Variants in PRDM10 observed in about 807,000 individuals in gnomAD.
PRDM10 encodes the protein PR/SET domain 10.
PRDM10 carries 65 observed loss-of-function variants against 133.1 expected under a neutral mutation model. The observed-to-expected ratio is 0.49, with a 90% confidence interval of 0.40 to 0.60. The LOEUF (loss-of-function observed/expected upper bound fraction) is 0.60, where lower values mean the gene tolerates loss of function less well. Ranked by LOEUF, PRDM10 falls within the 20% of genes least tolerant of loss-of-function variation. PRDM10 has a pLI of 0.00. For missense variants in PRDM10, 1,137 were observed against 1,507.1 expected (o/e 0.75, Z 4.07); for synonymous variants, 582 against 580.4 (o/e 1.00, Z -0.04).
chr11:129,904,253 G>C (rs1441919545), intron 20 of PRDM10, among the ~76,000 whole-genome samples: 1 of 150,888 alleles, frequency 6.6e-6, no homozygotes, highest in Non-Finnish European at 1.5e-5. Context: ...ATCTTCCCTT[G>C]GTAATATCTC....
rs79404802 is a variant in PRDM10 at position 129,905,647 on chromosome 11, C to T, written c.3258G>A (p.Ala1086=). The T allele has an allele frequency of 6.6e-3, 10,622 of 1,613,886 alleles. 623 individuals carry two copies. In the African/African-American group the frequency reaches 0.12, roughly 18 times the overall value. Reference sequence around the variant, plus strand: ...GAGTAGCGTAGCTTACCGAAGTAACCGCCTTCACCTGGCCAGTAGTAACTG... The same window carrying T: ...GAGTAGCGTAGCTTACCGAAGTAACTGCCTTCACCTGGCCAGTAGTAACTG... ...ATPVTTGQVK[A]VTSGHYVLSE... is the part of the protein sequence containing the mutation. The change falls in exon 20 of 21, where the codon GCG becomes GCA. Residue 1086 remains alanine (A), a synonymous_variant. Coordinates refer to ENST00000360871, the MANE Select transcript of PRDM10 (RefSeq NM_199437.2).
At chr11:129,929,678 A>G (rs1950790033) in intron 11 of PRDM10, among the ~76,000 whole-genome samples, 1 of 151,902 alleles carries the variant, frequency 6.6e-6, no homozygotes, top group South Asian at 2.1e-4. Context: ...CAAAAATGCA[A>G]GTACAATTAC....
intron 1 of PRDM10, among the ~76,000 whole-genome samples, chr11:129,992,365 T>C (rs562106667): frequency 1.3e-5 from 2 of 152,366 alleles, no homozygotes; most frequent in South Asian, 4.1e-4. Flanking sequence ...TTTAAATACC[T>C]GATCTCAATT....
rs190877279 is a variant in PRDM10, at chr11:129,945,340, C to T, written c.521-328G>A. The stretch of plus-strand genomic sequence containing the variant: ...CAACATGTCTGAAGAGTAAAAAGAG[C>T]GTATCAGGCTAAATGTTGCACTATC... On this transcript the variant is annotated intron_variant, in intron 5 of 20. Coordinates refer to ENST00000360871, the MANE Select transcript of PRDM10 (RefSeq NM_199437.2). This position sits in a 1 kb window ranked among gnomAD's most constrained non-coding sequence, Gnocchi z 4.2. 6.6e-5 allele frequency among the ~76,000 whole-genome samples: 10 copies of T among 152,216 alleles called. No individual in the cohort carries two copies. Among genetic ancestry groups the T allele is most frequent in the East Asian group, 1.9e-4 (1 of 5,178 alleles).
chr11:129,993,572 C>T (rs922762754), intron 1 of PRDM10, among the ~76,000 whole-genome samples: 4 of 152,044 alleles, frequency 2.6e-5, no homozygotes, highest in Admixed American at 6.6e-5. Flanking sequence ...GCAAGCTCTG[C>T]CTCCTGGGTT....
At chr11:129,916,055 T>C (rs1382727512) in intron 15 of PRDM10, among the ~76,000 whole-genome samples, 195 bp from the exon 16 acceptor site, 1 of 152,192 alleles carries the variant, frequency 6.6e-6, no homozygotes, top group Admixed American at 6.5e-5. Context: ...AAGAACATAA[T>C]GTAGATATGA....
At chr11:129,954,995 A>T (rs1216427265) in intron 4 of PRDM10, among the ~76,000 whole-genome samples, 1 of 152,172 alleles carries the variant, frequency 6.6e-6, no homozygotes, top group Non-Finnish European at 1.5e-5. Flanking sequence ...ACATTCTTGC[A>T]GGAAATAAGG....
At chr11:129,956,446 C>A (rs969802101) in intron 3 of PRDM10, among the ~76,000 whole-genome samples, 2 of 152,116 alleles carry the variant, frequency 1.3e-5, no homozygotes, top group African/African-American at 4.8e-5. Flanking sequence ...TGCCTGTAAT[C>A]CCAGTTGCTT....
rs1591626691 is a variant in PRDM10 at position 129,935,098 on chromosome 11, T to C, written c.1157+3A>G. ...TCTGTGAGCATTTCTCCCTCATACA[T>C]ACCTGCTAAACACATCTAGTTTCTC... is the stretch of plus-strand genomic sequence containing the variant. On this transcript the variant is annotated splice_donor_region_variant and intron_variant, in intron 9 of 20. Transcript: ENST00000360871. 1 of 1,607,974 alleles carries C rather than the reference T, an allele frequency of 6.2e-7. No individual in the cohort carries two copies. The highest frequency in any genetic ancestry group is 8.5e-7 in the Non-Finnish European group (1 of 1,174,496).
At chr11:129,995,688 G>GT (rs1273333651) in intron 1 of PRDM10, among the ~76,000 whole-genome samples, 4 of 152,144 alleles carry the variant, frequency 2.6e-5, no homozygotes, top group African/African-American at 9.7e-5. Flanking sequence ...GCGCACGCCT[G>GT]TAACTCCAGC....
At chr11:129,938,600 T>C (rs1053138902) in intron 7 of PRDM10, among the ~76,000 whole-genome samples, 5 of 152,216 alleles carry the variant, frequency 3.3e-5, no homozygotes, top group African/African-American at 1.2e-4. Context: ...TCCTTTTCTC[T>C]GCAATTTACA....
In PRDM10 at chr11:129,955,507, G is replaced by A. The variant is rs748556634; in HGVS notation, c.294+5C>T. On this transcript the variant is annotated splice_donor_5th_base_variant and intron_variant, in intron 4 of 20. Transcript: ENST00000360871. ...TCCCCAAACAAGAAAAAGGCAGTTCGTTACCTGCTGAGCTGTAGCATCCTG... is the reference window on the plus strand; with the variant it reads ...TCCCCAAACAAGAAAAAGGCAGTTCATTACCTGCTGAGCTGTAGCATCCTG... 1.9e-5 allele frequency: 30 copies of A among 1,613,750 alleles called. No homozygotes were observed. Among genetic ancestry groups the A allele is most frequent in the South Asian group, 5.5e-5 (5 of 91,048 alleles).
At chr11:129,915,147 T>C (rs893928194) in intron 16 of PRDM10, 129 bp from the exon 17 acceptor site, 3 of 909,486 alleles carry the variant, frequency 3.3e-6, no homozygotes, top group African/African-American at 3.4e-5. Flanking sequence ...AGAGCAACAC[T>C]GACTCTATGC....
chr11:129,958,145 C>A (rs1204120310), intron 2 of PRDM10, among the ~76,000 whole-genome samples: 1 of 152,156 alleles, frequency 6.6e-6, no homozygotes, highest in Non-Finnish European at 1.5e-5. Context: ...GCAGATAACT[C>A]TTTTGGGGAG....
intron 1 of PRDM10, among the ~76,000 whole-genome samples, chr11:129,983,991 T>C (rs1325729419): frequency 1.3e-5 from 2 of 152,174 alleles, no homozygotes; most frequent in Non-Finnish European, 2.9e-5. Context: ...AAAGCAGCAC[T>C]CAACACTGGC....
At position 129,986,627 on chromosome 11, in the gene PRDM10, G is replaced by A. The variant is rs191864965; in HGVS notation, c.-119+16095C>T. Among the ~76,000 whole-genome samples the A allele has an allele frequency of 4.0e-4, 61 of 152,240 alleles. 1 individual carries two copies. The highest frequency in any genetic ancestry group is 9.6e-4 in the African/African-American group (40 of 41,538). On this transcript the variant is annotated intron_variant, in intron 1 of 20. Coordinates refer to ENST00000360871, the MANE Select transcript of PRDM10 (RefSeq NM_199437.2). ...TGGTCTCGAACTCCTGGGCTCAAGC[G>A]ATCCACCTGCCTAGGTCTCCCAAAG...
At chr11:129,983,683 A>G (rs1294432104) in intron 1 of PRDM10, among the ~76,000 whole-genome samples, 1 of 152,216 alleles carries the variant, frequency 6.6e-6, no homozygotes, top group Non-Finnish European at 1.5e-5. Context: ...AGCTTAGTGT[A>G]TACAGGAGAG....
chr11:129,910,742 A>G, intron 18 of PRDM10, 86 bp from the exon 19 acceptor site: 34 of 1,187,328 alleles, frequency 2.9e-5, no homozygotes, highest in Non-Finnish European at 3.8e-5. Context: ...AGTACACCAG[A>G]CTCATATGAA....
intron 1 of PRDM10, among the ~76,000 whole-genome samples, chr11:129,980,714 G>A (rs944285614): frequency 1.3e-5 from 2 of 152,112 alleles, no homozygotes; most frequent in African/African-American, 4.8e-5. Flanking sequence ...TATGCTAAGT[G>A]AAAGAAGCCA....
Sources: gnomAD v4.1 joint callset for allele counts (sites outside exome capture counted in the v4.1 genomes callset) on GRCh38, gnomAD v4.1.1 for gene constraint, Gnocchi (gnomAD v3.1) non-coding constraint, MANE v1.5 for transcripts, NCBI Gene and HGNC (gene_info 2026-07-23, HGNC 2026-07-21) for gene names.